The following PTPRN2 variants were observed in gnomAD, a reference collection of about 807,000 sequenced individuals.
PTPRN2 encodes the protein protein tyrosine phosphatase receptor type N2.
Under a neutral mutation model 118.8 loss-of-function variants are expected in PTPRN2, and 74 were observed. The ratio of observed to expected loss-of-function variants is 0.62; its 90% CI spans 0.52 to 0.76. The LOEUF (loss-of-function observed/expected upper bound fraction) is 0.76, where lower values mean the gene tolerates loss of function less well. PTPRN2 is among the 30% of genes least tolerant of loss of function. PTPRN2 has a pLI of 0.00. For synonymous variants in PTPRN2, 641 were observed against 608.0 expected, an observed-to-expected ratio of 1.05 and a Z score of -0.80; for missense variants, 1,481 against 1,394.4, an observed-to-expected ratio of 1.06 and a Z score of -0.99.
chr7:158,084,957 C>T (rs542281190), intron 10 of PTPRN2, among the ~76,000 whole-genome samples: 214 of 140,928 alleles, frequency 1.5e-3, no homozygotes, highest in African/African-American at 4.9e-3. Flanking sequence ...ACACCCACGA[C>T]GCCCATCCAC....
intron 2 of PTPRN2, among the ~76,000 whole-genome samples, chr7:158,412,704 C>T (rs1482858708): frequency 2.2e-5 from 3 of 133,850 alleles, no homozygotes; most frequent in African/African-American, 8.7e-5. Context: ...CAGCACCCTC[C>T]TCAGCTCCAG....
chr7:158,571,240 T>C (rs1196690851), intron 1 of PTPRN2, among the ~76,000 whole-genome samples: 1 of 152,008 alleles, frequency 6.6e-6, no homozygotes, highest in Non-Finnish European at 1.5e-5. Context: ...ATCCCAGCAC[T>C]TTGGGAGGCC....
At chr7:158,300,080 G>C (rs564020702) in intron 3 of PTPRN2, among the ~76,000 whole-genome samples, 1 of 152,274 alleles carries the variant, frequency 6.6e-6, no homozygotes, top group Admixed American at 6.5e-5. Flanking sequence ...AGAAACCTAG[G>C]ATGTTTTGGC....
chr7:157,852,907 CG>C (rs1563172898), intron 12 of PTPRN2, among the ~76,000 whole-genome samples: 2 of 150,372 alleles, frequency 1.3e-5, no homozygotes, highest in Non-Finnish European at 2.9e-5. Flanking sequence ...GACCCTGAAG[CG>C]CCAGCAGCAA....
intron 2 of PTPRN2, among the ~76,000 whole-genome samples, chr7:158,425,143 T>C (rs1355824012): frequency 6.6e-6 from 1 of 152,242 alleles, no homozygotes; most frequent in Non-Finnish European, 1.5e-5. Context: ...GTCCTGCTGA[T>C]GCACTGCCAG....
intron 3 of PTPRN2, among the ~76,000 whole-genome samples, chr7:158,255,846 C>A (rs1230044756): frequency 6.6e-6 from 1 of 151,716 alleles, no homozygotes; most frequent in Admixed American, 6.6e-5. Context: ...AGCCTCAGGG[C>A]ACCCGTCCTC....
chr7:157,673,557 C>T (rs1410534465), intron 13 of PTPRN2, among the ~76,000 whole-genome samples: 1 of 152,062 alleles, frequency 6.6e-6, no homozygotes, highest in Non-Finnish European at 1.5e-5. Flanking sequence ...AGCTGTCTGC[C>T]CCTGGAAGCC....
chr7:158,556,204 CG>C (rs1282657922), intron 1 of PTPRN2, among the ~76,000 whole-genome samples: 1 of 152,012 alleles, frequency 6.6e-6, no homozygotes, highest in African/African-American at 2.4e-5. Context: ...GATAGGTAGA[CG>C]ATTGACAGGT....
chr7:158,319,014 T>C (rs1031794548), intron 2 of PTPRN2, among the ~76,000 whole-genome samples: 8 of 152,242 alleles, frequency 5.3e-5, no homozygotes, highest in Non-Finnish European at 1.2e-4. Flanking sequence ...AAGCAAAGCA[T>C]TTCTCAAGCA....
intron 3 of PTPRN2, among the ~76,000 whole-genome samples, chr7:158,308,842 A>G (rs1041301825): frequency 3.3e-5 from 5 of 152,196 alleles, no homozygotes; most frequent in African/African-American, 4.8e-5. Context: ...CAGAAATACT[A>G]TAAGTAATCA....
intron 6 of PTPRN2, among the ~76,000 whole-genome samples, chr7:158,145,917 G>A (rs1018024028): frequency 1.6e-4 from 25 of 152,162 alleles, no homozygotes; most frequent in Admixed American, 9.2e-4. Flanking sequence ...GGGCAAGCTC[G>A]CTCATTTCTT....
chr7:157,586,871 G>A (rs1302083353), intron 17 of PTPRN2, among the ~76,000 whole-genome samples: 1 of 152,234 alleles, frequency 6.6e-6, no homozygotes, highest in African/African-American at 2.4e-5. Flanking sequence ...GGGCTGAGCG[G>A]ATGCCATCTT....
At chr7:158,410,347 G>A (rs1417913933) in intron 2 of PTPRN2, among the ~76,000 whole-genome samples, 1 of 152,188 alleles carries the variant, frequency 6.6e-6, no homozygotes, top group African/African-American at 2.4e-5. Context: ...ATGAGGTCAC[G>A]ATGCCAGAGT....
rs1385486797 is a variant in PTPRN2, at chr7:158,084,815, C to CA, written c.1644-3439_1644-3438insT. 2.7e-5 allele frequency among the ~76,000 whole-genome samples: 4 copies of CA among 147,950 alleles called. No individual in the cohort carries two copies. The South Asian group carries it at 6.7e-4, about 25-fold the overall frequency. On this transcript the variant is annotated intron_variant, in intron 10 of 22. Transcript: ENST00000389418. ...GCCCATCCACACGGATGCCCATACA[C>CA]TCCTACAATGCCCATCCACACCCAC...
chr7:157,653,447 C>G (rs1213669018), intron 14 of PTPRN2, among the ~76,000 whole-genome samples: 1 of 152,142 alleles, frequency 6.6e-6, no homozygotes, highest in East Asian at 1.9e-4. Context: ...GTCGGCGACT[C>G]TGATGCGTTC....
rs1802669373 is a variant in PTPRN2, at chr7:157,615,081, TAC to T, written c.2344+6279_2344+6280del. 1.3e-5 allele frequency among the ~76,000 whole-genome samples: 2 copies of T among 152,222 alleles called. No individual in the cohort carries two copies. The highest frequency in any genetic ancestry group is 2.9e-5 in the Non-Finnish European group (2 of 68,036). The stretch of plus-strand genomic sequence containing the variant: ...TTTGGACGTCATGACGCCTGATACT[TAC>T]TTGAAGTCGTCCAGCCAGAAAATAA... On this transcript the variant is annotated intron_variant, in intron 15 of 22. Transcript: ENST00000389418. The surrounding 1 kb of genome is among the most constrained non-coding windows in gnomAD (Gnocchi z 4.3).
intron 12 of PTPRN2, among the ~76,000 whole-genome samples, chr7:157,880,518 C>G (rs1584940061): frequency 6.6e-6 from 1 of 152,214 alleles, no homozygotes; most frequent in South Asian, 2.1e-4. Flanking sequence ...AAGGAGGACC[C>G]TGTACATCCT....
At chr7:157,703,108 G>T (rs939591532) in intron 12 of PTPRN2, among the ~76,000 whole-genome samples, 3 of 152,228 alleles carry the variant, frequency 2.0e-5, no homozygotes, top group African/African-American at 7.2e-5. Flanking sequence ...AATTGAACGG[G>T]CTCATTCTTG....
intron 11 of PTPRN2, among the ~76,000 whole-genome samples, chr7:157,914,303 C>A (rs763424680): frequency 6.6e-6 from 1 of 152,138 alleles, no homozygotes; most frequent in African/African-American, 2.4e-5. Flanking sequence ...AGGTGTAGAG[C>A]CTTTTTCACT....
Sources: gnomAD v4.1 joint callset for allele counts (sites outside exome capture counted in the v4.1 genomes callset) on GRCh38, gnomAD v4.1.1 for gene constraint, Gnocchi (gnomAD v3.1) non-coding constraint, MANE v1.5 for transcripts, NCBI Gene and HGNC (gene_info 2026-07-23, HGNC 2026-07-21) for gene names.